The following CATSPER4 variants were observed in gnomAD, a reference collection of about 807,000 sequenced individuals.
The protein encoded by CATSPER4 is cation channel sperm associated 4.
Under a neutral mutation model 54.4 loss-of-function variants are expected in CATSPER4, and 46 were observed. That is an observed-to-expected ratio of 0.84 (90% confidence interval 0.67 to 1.08). The LOEUF is 1.08. Among genes scored for constraint, CATSPER4 ranks in the 50% least tolerant of loss-of-function variants. The probability of loss-of-function intolerance (pLI) is 0.00; values close to 1 mark genes in which losing one functional copy is unlikely to be tolerated. For missense variants in CATSPER4, 574 were observed against 612.8 expected, an observed-to-expected ratio of 0.94 and a Z score of 0.67; for synonymous variants, 230 against 231.9, an observed-to-expected ratio of 0.99 and a Z score of 0.08.
At position 26,198,404 on chromosome 1, in the gene CATSPER4, T is replaced by G; in HGVS notation, c.797T>G (p.Ile266Ser). 6.2e-7 allele frequency: 1 copy of G among 1,614,150 alleles called. No individual in the cohort carries two copies. The highest frequency in any genetic ancestry group is 1.7e-4 in the Middle Eastern group (1 of 6,048). Reference sequence around the variant, plus strand: ...ATCACCCAGGACGGCTGGGTGGACATCTACAGTGACTTCCAGTGAGTGCCA... The same window carrying G: ...ATCACCCAGGACGGCTGGGTGGACAGCTACAGTGACTTCCAGTGAGTGCCA... ...ICITQDGWVDIYSDFQTEKRE... is the reference protein window; with the variant it reads ...ICITQDGWVDSYSDFQTEKRE... Residue 266 changes from isoleucine to serine, a missense_variant, in exon 6 of 10, where the codon ATC becomes AGC. Physicochemically the swap from Ile to Ser is moderately radical, Grantham distance 142 (BLOSUM62 -2). Transcript: ENST00000456354.
Position 26,201,032 on chromosome 1 carries a change from A to G in CATSPER4, c.1190A>G (p.Glu397Gly), listed in dbSNP as rs765862106. The G allele has an allele frequency of 6.2e-7, 1 of 1,613,368 alleles. No homozygotes were observed. Among genetic ancestry groups the G allele is most frequent in the East Asian group, 2.2e-5 (1 of 44,848 alleles). Residue 397 changes from glutamate to glycine, a missense_variant, in exon 8 of 10, where the codon GAA becomes GGA. By Grantham distance (98) the Glu-to-Gly change is moderately conservative (BLOSUM62 -2). Coordinates refer to ENST00000456354, the MANE Select transcript of CATSPER4 (RefSeq NM_198137.2). ...AGGCAGTACAAGGAGATCCGAGATGAACTCAACATGTAGGGGAGGGTACTG... is the reference window on the plus strand; with the variant it reads ...AGGCAGTACAAGGAGATCCGAGATGGACTCAACATGTAGGGGAGGGTACTG... ...NLRQYKEIRD[E>G]LNMIVEEVRA...
At position 26,197,548 on chromosome 1, in the gene CATSPER4, C is replaced by T. The variant is rs2088956243; in HGVS notation, c.460-138C>T. 5.8e-6 allele frequency: 4 copies of T among 688,914 alleles called. No individual in the cohort carries two copies. In the East Asian group the frequency reaches 1.1e-4, roughly 19 times the overall value. 42.7% of individuals were successfully genotyped at this position (688,914 alleles called of 1,614,324 possible). On this transcript the variant is annotated intron_variant, in intron 3 of 9. Transcript: ENST00000456354. ...GCTTGTTTGGGGGGCGGCAGGGTAACAGCAGTGGATGGCAGCTGACTGGCC... is the reference window on the plus strand; with the variant it reads ...GCTTGTTTGGGGGGCGGCAGGGTAATAGCAGTGGATGGCAGCTGACTGGCC...
At chr1:26,195,553 T>C (rs1475283151) in intron 3 of CATSPER4, among the ~76,000 whole-genome samples, 1 of 149,106 alleles carries the variant, frequency 6.7e-6, no homozygotes, top group Non-Finnish European at 1.5e-5. Flanking sequence ...TGGGCTGGAG[T>C]GCAGTGGCGC....
At position 26,191,320 on chromosome 1, in the gene CATSPER4, A is replaced by C; in HGVS notation, c.247A>C (p.Met83Leu). Residue 83 changes from methionine to leucine, a missense_variant, in exon 2 of 10, where the codon ATG (methionine) becomes CTG (leucine). Transcript: ENST00000456354. ...AWDMQEFITH[M>L]YIKQLLRHPA... ...GGACATGCAGGAGTTCATCACTCAC[A>C]TGTACATCAAGCAGCTGCTCCGACA... The C allele has an allele frequency of 1.2e-6, 2 of 1,614,064 alleles. No homozygotes were observed. The highest frequency in any genetic ancestry group is 1.7e-6 in the Non-Finnish European group (2 of 1,180,012).
At position 26,201,620 on chromosome 1, in the gene CATSPER4, C is replaced by G. The variant is rs769330038; in HGVS notation, c.1365+101C>G. The stretch of plus-strand genomic sequence containing the variant: ...CCATTTGTCAAAGTTTCTGTCTATT[C>G]CAAGATCTGGTCCCCCTCACCACCA... On this transcript the variant is annotated intron_variant, in intron 9 of 9. Transcript: ENST00000456354. The G allele has an allele frequency of 4.0e-5, 46 of 1,151,930 alleles. No individual in the cohort carries two copies. In the South Asian group the frequency reaches 4.8e-4, roughly 12 times the overall value. 71.4% of individuals were successfully genotyped at this position (1,151,930 alleles called of 1,614,324 possible).
At chr1:26,196,913 C>A (rs111772533) in intron 3 of CATSPER4, among the ~76,000 whole-genome samples, 1 of 71,402 alleles carries the variant, frequency 1.4e-5, no homozygotes, top group Non-Finnish European at 3.0e-5. Flanking sequence ...TCTTTTCTTT[C>A]TTTTTTTTTT....
In CATSPER4 at chr1:26,201,371, G is replaced by C; in HGVS notation, c.1217G>C (p.Arg406Pro). The C allele has an allele frequency of 1.9e-6, 3 of 1,614,086 alleles. No homozygotes were observed. The highest frequency in any genetic ancestry group is 8.5e-7 in the Non-Finnish European group (1 of 1,180,020). The change falls in exon 9 of 10, where the codon CGC (arginine) becomes CCC (proline). Residue 406 changes from arginine (R) to proline (P), a missense_variant. Transcript: ENST00000456354. Reference protein sequence around the residue: ...DELNMIVEEVRAIRFNQEQES... With the variant: ...DELNMIVEEVPAIRFNQEQES... ...ACCCCCAGGATTGTGGAGGAGGTGCGCGCAATCCGCTTCAACCAGGAGCAG... is the reference window on the plus strand; with the variant it reads ...ACCCCCAGGATTGTGGAGGAGGTGCCCGCAATCCGCTTCAACCAGGAGCAG...
chr1:26,201,105 T>C, intron 8 of CATSPER4, 64 bp downstream of exon 8: 2 of 1,347,776 alleles, frequency 1.5e-6, no homozygotes, highest in Non-Finnish European at 2.1e-6. Context: ...AGCGTCAGAG[T>C]CTTCTGGCCT....
Position 26,201,364 on chromosome 1 carries a change from G to A in CATSPER4, c.1210G>A (p.Glu404Lys). The change falls in exon 9 of 10, where the codon GAG becomes AAG. Residue 404 changes from glutamate to lysine, a missense_variant. Coordinates refer to ENST00000456354, the MANE Select transcript of CATSPER4 (RefSeq NM_198137.2). ...CTGCTCCACCCCCAGGATTGTGGAG[G>A]AGGTGCGCGCAATCCGCTTCAACCA... ...IRDELNMIVEEVRAIRFNQEQ... is the reference protein window; with the variant it reads ...IRDELNMIVEKVRAIRFNQEQ... 1 of 1,614,070 alleles carries A rather than the reference G, an allele frequency of 6.2e-7. No individual in the cohort carries two copies. Among genetic ancestry groups the A allele is most frequent in the Non-Finnish European group, 8.5e-7 (1 of 1,180,016 alleles).
Position 26,197,688 on chromosome 1 carries a change from C to CGGCT in CATSPER4, c.465_468dup (p.Asn157LeufsTer19). On this transcript the variant is annotated frameshift_variant, in exon 4 of 10. Transcript: ENST00000456354. LOFTEE classifies it high-confidence loss of function. ...ACTGGGGCTGGCCCACTCCCCAGGACGGCTGGAACATCCTCAACTTCATTA... is the reference window on the plus strand; with the variant it reads ...ACTGGGGCTGGCCCACTCCCCAGGACGGCTGGCTGGAACATCCTCAACTTCATTA... The CGGCT allele has an allele frequency of 6.2e-7, 1 of 1,612,444 alleles. No individual in the cohort carries two copies. The highest frequency in any genetic ancestry group is 8.5e-7 in the Non-Finnish European group (1 of 1,179,578).
chr1:26,199,100 A>G (rs1164248866), intron 6 of CATSPER4, among the ~76,000 whole-genome samples: 1 of 151,996 alleles, frequency 6.6e-6, no homozygotes, highest in Non-Finnish European at 1.5e-5. Context: ...AGGTCAGATC[A>G]AGGCTATCCT....
chr1:26,200,791 C>G, intron 7 of CATSPER4, 39 bp from the exon 8 acceptor site: 1 of 1,546,592 alleles, frequency 6.5e-7, no homozygotes, highest in Non-Finnish European at 8.9e-7. Flanking sequence ...GCGTGCCTGC[C>G]TGAGCTGTCC....
In CATSPER4 at chr1:26,200,976, C is replaced by T; in HGVS notation, c.1134C>T (p.Cys378=). The T allele has an allele frequency of 5.0e-6, 8 of 1,614,000 alleles. No individual in the cohort carries two copies. In the Middle Eastern group the frequency reaches 8.2e-4, roughly 166 times the overall value. ...NLSENTCDNF[C]LVLEAIQENL... is the part of the protein sequence containing the mutation. ...CAGAAAACACGTGTGACAACTTTTGCTTGGTGCTTGAGGCAATACAGGAGA... is the reference window on the plus strand; with the variant it reads ...CAGAAAACACGTGTGACAACTTTTGTTTGGTGCTTGAGGCAATACAGGAGA... Residue 378 remains cysteine, a synonymous_variant, in exon 8 of 10, where the codon TGC becomes TGT. Transcript: ENST00000456354.
rs766939632 is a variant in CATSPER4, at chr1:26,190,845, G to A, written c.213+5G>A. 14 of 1,601,674 alleles carry A rather than the reference G, an allele frequency of 8.7e-6. No homozygotes were observed. The East Asian group carries it at 3.1e-4, about 36-fold the overall frequency. On this transcript the variant is annotated splice_donor_5th_base_variant and intron_variant, in intron 1 of 9. Coordinates refer to ENST00000456354, the MANE Select transcript of CATSPER4 (RefSeq NM_198137.2). ...CAGGAAATCACGAACAAAGCGGTAA[G>A]GATAGCTCTCGCCCCACAGTGGCCC...
At chr1:26,192,528 T>C (rs139551299) in intron 2 of CATSPER4, among the ~76,000 whole-genome samples, 20,665 of 150,744 alleles carry the variant, frequency 0.14, 1,508 homozygotes, top group South Asian at 0.23. Context: ...AGGCGGAGGT[T>C]GCGGTGAGCC....
intron 3 of CATSPER4, 46 bp from the exon 4 acceptor site, chr1:26,197,640 A>G (rs763996077): frequency 1.4e-6 from 2 of 1,392,506 alleles, no homozygotes; most frequent in Non-Finnish European, 2.0e-6. Flanking sequence ...GGATGCCCCC[A>G]TGGGCTGGGC....
intron 6 of CATSPER4, among the ~76,000 whole-genome samples, chr1:26,199,388 C>T (rs1395860462): frequency 6.0e-5 from 9 of 150,514 alleles, no homozygotes; most frequent in African/African-American, 1.5e-4. Context: ...ACCCATATCA[C>T]GCCACTGCAC....
chr1:26,196,960 T>A (rs1245841393), intron 3 of CATSPER4, among the ~76,000 whole-genome samples: 2 of 147,774 alleles, frequency 1.4e-5, no homozygotes, highest in African/African-American at 5.0e-5. Context: ...CAGGCTGGAG[T>A]GCAGTGGCGC....
intron 2 of CATSPER4, among the ~76,000 whole-genome samples, chr1:26,191,938 CTG>C (rs1307696600): frequency 6.6e-6 from 1 of 152,028 alleles, no homozygotes; most frequent in Non-Finnish European, 1.5e-5. Flanking sequence ...GAAAGTGACA[CTG>C]GAGCTGAGAG....
Sources: gnomAD v4.1 joint callset for allele counts (sites outside exome capture counted in the v4.1 genomes callset) on GRCh38, gnomAD v4.1.1 for gene constraint, MANE v1.5 for transcripts, NCBI Gene and HGNC (gene_info 2026-07-23, HGNC 2026-07-21) for gene names.